The following B3GALT1 variants were observed in gnomAD, a reference collection of about 807,000 sequenced individuals.
B3GALT1 encodes beta-1,3-galactosyltransferase 1.
A neutral mutation model predicts 23.2 loss-of-function variants in B3GALT1; 10 were observed. That is an observed-to-expected ratio of 0.43 (90% CI 0.27 to 0.73). B3GALT1 has a LOEUF of 0.73. B3GALT1 is among the 30% of genes least tolerant of loss of function. The pLI is 0.21. For missense variants in B3GALT1, 299 were observed against 405.4 expected (o/e 0.74, Z 2.25); for synonymous variants, 156 against 141.5 (o/e 1.10, Z -0.73).
At chr2:167,413,861 C>G (rs1320614496) in intron 1 of B3GALT1, among the ~76,000 whole-genome samples, 2 of 151,808 alleles carry the variant, frequency 1.3e-5, no homozygotes, top group Admixed American at 1.3e-4. Flanking sequence ...TCTTGGAATA[C>G]TTAAAGTTTT....
At chr2:167,797,308 C>T (rs1362785341) in intron 3 of B3GALT1, among the ~76,000 whole-genome samples, 1 of 152,192 alleles carries the variant, frequency 6.6e-6, no homozygotes, top group Non-Finnish European at 1.5e-5. Context: ...GACATGAACT[C>T]ATTCGTTTTT....
At chr2:167,788,200 A>G (rs972023796) in intron 3 of B3GALT1, among the ~76,000 whole-genome samples, 1 of 147,884 alleles carries the variant, frequency 6.8e-6, no homozygotes, top group South Asian at 2.2e-4. Context: ...TTTAATTTAG[A>G]TCAGTAGTCC....
At chr2:167,376,147 C>T (rs530082818) in intron 1 of B3GALT1, among the ~76,000 whole-genome samples, 4 of 152,112 alleles carry the variant, frequency 2.6e-5, no homozygotes, top group African/African-American at 7.2e-5. Context: ...ATATGTCGAA[C>T]CATTCTTGCA....
intron 2 of B3GALT1, among the ~76,000 whole-genome samples, chr2:167,513,030 A>G (rs1311447270): frequency 6.8e-6 from 1 of 146,690 alleles, no homozygotes; most frequent in Non-Finnish European, 1.5e-5. Context: ...TTGCTGTTTG[A>G]CAGAATTCAC....
chr2:167,335,635 G>T (rs1336628522), intron 1 of B3GALT1, among the ~76,000 whole-genome samples: 1 of 152,120 alleles, frequency 6.6e-6, no homozygotes, highest in East Asian at 1.9e-4. Flanking sequence ...CATTGCCTTG[G>T]CATTTGTAAA....
intron 2 of B3GALT1, among the ~76,000 whole-genome samples, chr2:167,555,029 G>A: frequency 6.6e-6 from 1 of 152,170 alleles, no homozygotes; most frequent in East Asian, 1.9e-4. Flanking sequence ...TGACGTATGT[G>A]CTGAGTGATA....
rs180932996 is a variant in B3GALT1 at position 167,336,581 on chromosome 2, A to G, written c.-511+43247A>G. On this transcript the variant is annotated intron_variant, in intron 1 of 4. Coordinates refer to ENST00000392690, the MANE Select transcript of B3GALT1 (RefSeq NM_020981.4). ...TATAGTCCTTTTCTTCAGGTATAGA[A>G]ATCAAGTTAGGTGTCTTCATTTCCT... Among the ~76,000 whole-genome samples the G allele has an allele frequency of 2.0e-5, 3 of 152,234 alleles. No individual in the cohort carries two copies. In the East Asian group the frequency reaches 5.8e-4, roughly 29 times the overall value.
chr2:167,429,130 A>T (rs547506533), intron 1 of B3GALT1, among the ~76,000 whole-genome samples: 1 of 151,770 alleles, frequency 6.6e-6, no homozygotes, highest in Non-Finnish European at 1.5e-5. Flanking sequence ...ATACAAAAAA[A>T]ATTAGCCGGG....
chr2:167,370,556 G>A (rs60900149), intron 1 of B3GALT1, among the ~76,000 whole-genome samples: 7,783 of 152,206 alleles, frequency 0.051, 256 homozygotes, highest in East Asian at 0.13. Flanking sequence ...GGAGCAATTA[G>A]AGTTAAAGGA....
chr2:167,381,981 G>C (rs1386783093), intron 1 of B3GALT1, among the ~76,000 whole-genome samples: 1 of 152,184 alleles, frequency 6.6e-6, no homozygotes, highest in Non-Finnish European at 1.5e-5. Flanking sequence ...TCAGTAACCA[G>C]TGCTGCCAAC....
intron 2 of B3GALT1, among the ~76,000 whole-genome samples, chr2:167,573,308 G>T (rs1684329786): frequency 6.6e-6 from 1 of 151,766 alleles, no homozygotes; most frequent in African/African-American, 2.4e-5. Context: ...TACTAAGTGA[G>T]TTGAAAAATA....
intron 2 of B3GALT1, among the ~76,000 whole-genome samples, chr2:167,559,763 TA>T (rs1300763213): frequency 1.3e-5 from 2 of 151,898 alleles, no homozygotes; most frequent in African/African-American, 4.8e-5. Flanking sequence ...GAAAAAAGAA[TA>T]AAAAGAAATG....
At chr2:167,563,312 A>T (rs1435584888) in intron 2 of B3GALT1, among the ~76,000 whole-genome samples, 6 of 131,038 alleles carry the variant, frequency 4.6e-5, no homozygotes, top group East Asian at 2.3e-4. Context: ...GGCCGGGCAG[A>T]GGCGCCCCTC....
chr2:167,323,943 G>C (rs1696851866), intron 1 of B3GALT1, among the ~76,000 whole-genome samples: 1 of 151,834 alleles, frequency 6.6e-6, no homozygotes, highest in Admixed American at 6.6e-5. Context: ...TTTGACATTG[G>C]CTCAGTTGCC....
intron 3 of B3GALT1, among the ~76,000 whole-genome samples, chr2:167,750,775 A>T (rs375341652): frequency 1.3e-4 from 20 of 150,974 alleles, no homozygotes; most frequent in African/African-American, 4.1e-4. Context: ...CGCAGGTAAC[A>T]CTCAGGGATC....
chr2:167,778,635 T>C (rs1000476098), intron 3 of B3GALT1, among the ~76,000 whole-genome samples: 13 of 152,230 alleles, frequency 8.5e-5, no homozygotes, highest in African/African-American at 3.1e-4. Context: ...TTCTCTTCTT[T>C]TGTTAGTATT....
chr2:167,853,528 A>C (rs971801057), intron 4 of B3GALT1, among the ~76,000 whole-genome samples: 1 of 152,120 alleles, frequency 6.6e-6, no homozygotes, highest in Non-Finnish European at 1.5e-5. Flanking sequence ...GAAGCTCCTT[A>C]AAGGTAGGAA....
intron 3 of B3GALT1, among the ~76,000 whole-genome samples, chr2:167,697,322 A>G (rs1269148160): frequency 3.9e-5 from 6 of 152,202 alleles, no homozygotes; most frequent in Non-Finnish European, 8.8e-5. Context: ...TGCCCATGCA[A>G]TTGTGAAGGA....
intron 1 of B3GALT1, among the ~76,000 whole-genome samples, chr2:167,344,119 T>C (rs994566953): frequency 6.6e-6 from 1 of 152,288 alleles, no homozygotes; most frequent in African/African-American, 2.4e-5. Context: ...ATGAGTATGA[T>C]TAATAAGTAA....
Sources: gnomAD v4.1 joint callset for allele counts (sites outside exome capture counted in the v4.1 genomes callset) on GRCh38, gnomAD v4.1.1 for gene constraint, MANE v1.5 for transcripts, NCBI Gene and HGNC (gene_info 2026-07-23, HGNC 2026-07-21) for gene names.